Variants in COL18A1 observed in about 807,000 individuals in gnomAD.
COL18A1 encodes collagen alpha-1(XVIII) chain.
In COL18A1, 133 loss-of-function variants were observed where a neutral mutation model predicts 168.0. That is an observed-to-expected ratio of 0.79 (90% CI 0.69 to 0.91). The LOEUF is 0.91. Ranked by LOEUF, COL18A1 falls within the 40% of genes least tolerant of loss-of-function variation. The pLI is 0.00. For synonymous variants in COL18A1, 949 were observed against 809.0 expected (o/e 1.17, Z -2.94); for missense variants, 2,126 against 1,925.4 (o/e 1.10, Z -1.95).
rs546401743 is a variant in COL18A1 at position 45,487,315 on chromosome 21, A to C, written c.1834-132A>C. On this transcript the variant is annotated intron_variant, in intron 16 of 41. Coordinates refer to ENST00000651438, the MANE Select transcript of COL18A1 (RefSeq NM_001379500.1). ...CCACCAGGTAGACAGTCCCCATCTG[A>C]GAACGGCGGCTCCCCAGGCCACCGT... 155 of 1,071,424 alleles carry C rather than the reference A, an allele frequency of 1.4e-4. 1 individual carries two copies. The South Asian group carries it at 1.9e-3, about 13-fold the overall frequency. 66.4% of individuals were successfully genotyped at this position (1,071,424 alleles called of 1,614,324 possible).
intron 32 of COL18A1, among the ~76,000 whole-genome samples, chr21:45,500,489 GCGTGTGTAGTGTGGGGGTGTGGTTT>G: frequency 2.0e-5 from 1 of 50,110 alleles, no homozygotes. Context: ...TTGGTGTGTT[GCGTGTGTAGTGTGGGGGTGTGGTTT>G]GGTGTGTGTT....
Position 45,434,456 on chromosome 21 carries a change from G to C in COL18A1, c.106+28983G>C, listed in dbSNP as rs143081815. Among the ~76,000 whole-genome samples the C allele has an allele frequency of 5.9e-3, 903 of 152,290 alleles. 5 individuals are homozygous for C. The highest frequency in any genetic ancestry group is 1.0e-2 in the Non-Finnish European group (678 of 68,020). ...AGACCTACTTTCCTTGCTCTCTCCG[G>C]GGGGGTTTGCAGCAGTTCTGAGCAT... is the stretch of plus-strand genomic sequence containing the variant. On this transcript the variant is annotated intron_variant, in intron 2 of 41. Transcript: ENST00000651438.
At chr21:45,481,821 C>A (rs1342597287) in intron 13 of COL18A1, 142 bp from the exon 14 acceptor site, 8 of 719,738 alleles carry the variant, frequency 1.1e-5, no homozygotes, top group Admixed American at 6.0e-5. Context: ...TCCCGTGAGC[C>A]CTGGGACTCT....
intron 9 of COL18A1, 63 bp from the exon 10 acceptor site, chr21:45,479,839 G>A (rs2035830747): frequency 6.2e-7 from 1 of 1,604,080 alleles, no homozygotes; most frequent in Non-Finnish European, 8.5e-7. Context: ...GGAGCACTGA[G>A]AGTGCTGGGT....
intron 2 of COL18A1, among the ~76,000 whole-genome samples, chr21:45,448,700 T>A (rs990070973): frequency 1.3e-5 from 2 of 152,256 alleles, no homozygotes; most frequent in Non-Finnish European, 2.9e-5. Context: ...TTTACAATCA[T>A]TCTGTCCGTC....
chr21:45,505,848 G>T lies in COL18A1; in HGVS notation c.3098G>T (p.Trp1033Leu). The change falls in exon 37 of 42, where the codon TGG (tryptophan) becomes TTG (leucine). Residue 1033 changes from tryptophan (W) to leucine (L), a missense_variant. Physicochemically the swap from Trp to Leu is moderately conservative, Grantham distance 61. Coordinates refer to ENST00000651438, the MANE Select transcript of COL18A1 (RefSeq NM_001379500.1). Reference sequence around the variant, plus strand: ...ATTTGGTCCCAGCAGGTGAGGCTCTGGGCTACACGCCAGGCCATGCTGGGC... The same window carrying T: ...ATTTGGTCCCAGCAGGTGAGGCTCTTGGCTACACGCCAGGCCATGCTGGGC... ...TMGASSGVRLWATRQAMLGQV... is the reference protein window; with the variant it reads ...TMGASSGVRLLATRQAMLGQV... 6.2e-7 allele frequency: 1 copy of T among 1,609,376 alleles called. No individual in the cohort carries two copies.
At position 45,505,222 on chromosome 21, in the gene COL18A1, C is replaced by G. The variant is rs1456535457; in HGVS notation, c.2957C>G (p.Pro986Arg). 4.4e-6 allele frequency: 7 copies of G among 1,601,150 alleles called. No homozygotes were observed. The highest frequency in any genetic ancestry group is 3.4e-5 in the Admixed American group (2 of 58,752). The stretch of plus-strand genomic sequence containing the variant: ...ATCGGCTACGAGGGGCGCCAGGGCC[C>G]TCCCGGCCCCCCAGGCCCCCCAGGG... ...PGIGYEGRQG[P>R]PGPPGPPGPP... The change falls in exon 35 of 42, where the codon CCT (proline) becomes CGT (arginine). Residue 986 changes from proline (P) to arginine (R), a missense_variant. By Grantham distance (103) the Pro-to-Arg change is moderately radical (BLOSUM62 -2). Transcript: ENST00000651438.
At chr21:45,497,992 G>A (rs1280787837) in intron 32 of COL18A1, among the ~76,000 whole-genome samples, 6 of 152,172 alleles carry the variant, frequency 3.9e-5, no homozygotes, top group African/African-American at 7.2e-5. Flanking sequence ...TCCCCTCCAC[G>A]GGGCCGGGGG....
chr21:45,484,204 CAT>C (rs1236595194), intron 15 of COL18A1, among the ~76,000 whole-genome samples: 59 of 147,878 alleles, frequency 4.0e-4, no homozygotes, highest in African/African-American at 1.4e-3. Context: ...TGCACACACA[CAT>C]AGGCACACAC....
In COL18A1 at chr21:45,497,093, G is replaced by A; in HGVS notation, c.2620+1G>A. On this transcript the variant is annotated splice_donor_variant, in intron 31 of 41. Coordinates refer to ENST00000651438, the MANE Select transcript of COL18A1 (RefSeq NM_001379500.1). LOFTEE classifies it high-confidence loss of function. ...CGCCCCGGGCCTCCAGGATTGCCAGGTGAGGGTCCTGGGCTCACAGCTGGG... is the reference window on the plus strand; with the variant it reads ...CGCCCCGGGCCTCCAGGATTGCCAGATGAGGGTCCTGGGCTCACAGCTGGG... 1 of 1,578,092 alleles carries A rather than the reference G, an allele frequency of 6.3e-7. No homozygotes were observed. Among genetic ancestry groups the A allele is most frequent in the Non-Finnish European group, 8.7e-7 (1 of 1,155,992 alleles).
chr21:45,509,210 C>G, intron 38 of COL18A1, 146 bp from the exon 39 acceptor site: 1 of 1,122,984 alleles, frequency 8.9e-7, no homozygotes, highest in East Asian at 2.6e-5. Flanking sequence ...CCTACACCCC[C>G]AGGGCAGCCC....
rs546772009 is a variant in COL18A1, at chr21:45,505,940, G to C, written c.3190G>C (p.Val1064Leu). The C allele has an allele frequency of 6.2e-7, 1 of 1,613,132 alleles. No homozygotes were observed. The highest frequency in any genetic ancestry group is 1.3e-5 in the African/African-American group (1 of 74,934). The change falls in exon 37 of 42, where the codon GTG (valine) becomes CTG (leucine). Residue 1064 changes from valine to leucine, a missense_variant. By Grantham distance (32) the Val-to-Leu change is conservative (BLOSUM62 1). Transcript: ENST00000651438. ...VAEQEELYVR[V>L]QNGFRKVQLE... ...CGAGCAGGAGGAGCTCTACGTCCGC[G>C]TGCAGAACGGGTTCCGGAAGGTCCA...
chr21:45,456,524 G>T (rs546307332), intron 2 of COL18A1: 1 of 1,548,246 alleles, frequency 6.5e-7, no homozygotes, highest in East Asian at 2.4e-5. Context: ...GGCCCCCGCC[G>T]GTCGCTGCCT....
intron 13 of COL18A1, 63 bp downstream of exon 13, chr21:45,480,921 C>T: frequency 2.6e-6 from 4 of 1,548,066 alleles, no homozygotes; most frequent in Non-Finnish European, 3.5e-6. Flanking sequence ...GGGTGAACAC[C>T]CCACATGGGA....
At chr21:45,508,015 G>A (rs2037326870) in intron 38 of COL18A1, among the ~76,000 whole-genome samples, 1 of 152,004 alleles carries the variant, frequency 6.6e-6, no homozygotes, top group Non-Finnish European at 1.5e-5. Context: ...ATGGATGGGT[G>A]GATGGAGAGG....
chr21:45,510,304 A>T, intron 40 of COL18A1, 43 bp downstream of exon 40: 1 of 1,553,632 alleles, frequency 6.4e-7, no homozygotes, highest in Non-Finnish European at 8.7e-7. Flanking sequence ...CTCGGCCCCC[A>T]CTTGACCTCT....
chr21:45,432,230 G>C (rs967044055), intron 2 of COL18A1, among the ~76,000 whole-genome samples: 5 of 138,696 alleles, frequency 3.6e-5, no homozygotes, highest in Non-Finnish European at 7.4e-5. Flanking sequence ...GGGTCCTGAA[G>C]GTCAGAGCTG....
intron 24 of COL18A1, 121 bp downstream of exon 24, chr21:45,492,834 C>A: frequency 2.4e-6 from 2 of 817,118 alleles, no homozygotes; most frequent in South Asian, 2.7e-5. Context: ...TAGCGACAGT[C>A]ACTGCCCCCA....
intron 25 of COL18A1, 95 bp from the exon 26 acceptor site, chr21:45,493,406 A>G: frequency 7.5e-7 from 1 of 1,327,512 alleles, no homozygotes; most frequent in South Asian, 1.3e-5. Context: ...CCAGCCTGCG[A>G]GGCCCAGTCA....
Sources: allele counts gnomAD v4.1 joint callset (sites outside exome capture counted in the v4.1 genomes callset), GRCh38; gene constraint gnomAD v4.1.1; transcripts MANE v1.5; gene names NCBI Gene and HGNC (gene_info 2026-07-23, HGNC 2026-07-21).